Variants in SIN3A observed in about 807,000 individuals in gnomAD.
The protein encoded by SIN3A is paired amphipathic helix protein Sin3a.
Under a neutral mutation model 146.1 loss-of-function variants are expected in SIN3A, and 14 were observed. That is an observed-to-expected ratio of 0.10 (90% CI 0.06 to 0.15). SIN3A has a LOEUF of 0.15. SIN3A is among the 10% of genes least tolerant of loss of function. SIN3A has a pLI of 1.00. For synonymous variants in SIN3A, 572 were observed against 572.0 expected, an observed-to-expected ratio of 1.00 and a Z score of 0.00; for missense variants, 1,028 against 1,576.0, an observed-to-expected ratio of 0.65 and a Z score of 5.89.
intron 1 of SIN3A, among the ~76,000 whole-genome samples, chr15:75,440,297 C>G (rs2074184780): frequency 6.6e-6 from 1 of 151,234 alleles, no homozygotes; most frequent in African/African-American, 2.4e-5. Context: ...GTGGTGCAAT[C>G]TCAACTCACT....
intron 1 of SIN3A, among the ~76,000 whole-genome samples, chr15:75,440,083 G>A (rs573267728): frequency 2.0e-5 from 3 of 151,336 alleles, no homozygotes; most frequent in South Asian, 2.1e-4. Flanking sequence ...CCTGGGAGGC[G>A]GAGGTTGCAG....
chr15:75,385,728 TATTTA>T (rs1265592114), intron 16 of SIN3A, among the ~76,000 whole-genome samples: 7 of 152,226 alleles, frequency 4.6e-5, no homozygotes, highest in Admixed American at 3.3e-4. Context: ...CCATGATAAC[TATTTA>T]TTCTTAAGTC....
At chr15:75,386,737 G>A (rs1417366108) in intron 16 of SIN3A, among the ~76,000 whole-genome samples, 1 of 152,168 alleles carries the variant, frequency 6.6e-6, no homozygotes, top group Non-Finnish European at 1.5e-5. Context: ...CCATGGTGTG[G>A]TCCTATTTTG....
intron 19 of SIN3A, chr15:75,376,092 C>A: frequency 1.7e-6 from 1 of 584,660 alleles, no homozygotes; most frequent in Non-Finnish European, 3.0e-6. Context: ...CTTGACTTAG[C>A]AGATGTAGCC....
intron 2 of SIN3A, among the ~76,000 whole-genome samples, chr15:75,427,677 TA>T (rs1459164739): frequency 6.7e-6 from 1 of 148,576 alleles, no homozygotes; most frequent in Non-Finnish European, 1.5e-5. Context: ...AATAAATAAA[TA>T]AATAAAATAG....
chr15:75,414,717 T>C (rs2073702163), intron 3 of SIN3A, among the ~76,000 whole-genome samples: 1 of 152,250 alleles, frequency 6.6e-6, no homozygotes, highest in East Asian at 1.9e-4. Flanking sequence ...ACACAGTGGG[T>C]AACCCGGTAA....
chr15:75,381,723 A>G lies in SIN3A; in HGVS notation c.3196-18T>C, dbSNP rs2141386971. ...AACATAAGCTGCAAATAAGAAACCT[A>G]AGCGTAAACAAAAGACCGTCTCTGT... On this transcript the variant is annotated intron_variant, in intron 17 of 20. Coordinates refer to ENST00000394947, the MANE Select transcript of SIN3A (RefSeq NM_001145358.2). 6.3e-7 allele frequency: 1 copy of G among 1,590,184 alleles called. No homozygotes were observed. Among genetic ancestry groups the G allele is most frequent in the Middle Eastern group, 1.7e-4 (1 of 6,008 alleles).
At chr15:75,419,013 T>C (rs1225092789) in intron 3 of SIN3A, among the ~76,000 whole-genome samples, 9 of 152,010 alleles carry the variant, frequency 5.9e-5, no homozygotes, top group Admixed American at 5.9e-4. Flanking sequence ...CGCCTCGGCC[T>C]CTTAAAGTGC....
At chr15:75,378,650 T>G (rs2072909848) in intron 19 of SIN3A, among the ~76,000 whole-genome samples, 1 of 152,126 alleles carries the variant, frequency 6.6e-6, no homozygotes, top group East Asian at 1.9e-4. Flanking sequence ...GATCTGAAAA[T>G]ATTCCTTTTT....
upstream of SIN3A, among the ~76,000 whole-genome samples, chr15:75,454,286 C>A (rs2074455804): frequency 1.3e-5 from 2 of 152,206 alleles, no homozygotes; most frequent in African/African-American, 4.8e-5. Flanking sequence ...CAGTGGAAGA[C>A]AAGAGAAGGC....
chr15:75,381,457 A>T (rs1449420185), intron 18 of SIN3A, among the ~76,000 whole-genome samples, 156 bp downstream of exon 18: 1 of 152,204 alleles, frequency 6.6e-6, no homozygotes, highest in Admixed American at 6.5e-5. Context: ...TCAGCTGAAG[A>T]CATGGCTGGA....
In SIN3A at chr15:75,397,842, G is replaced by A. The variant is rs545829962; in HGVS notation, c.1855-1346C>T. 7.2e-5 allele frequency among the ~76,000 whole-genome samples: 11 copies of A among 152,314 alleles called. No individual in the cohort carries two copies. In the South Asian group the frequency reaches 1.9e-3, roughly 26 times the overall value. The stretch of plus-strand genomic sequence containing the variant: ...CTGTCAAAAACAAATGCCAAGCTCT[G>A]CTAAACTCATCAGTTAACCTTACTA... On this transcript the variant is annotated intron_variant, in intron 12 of 20. Transcript: ENST00000394947.
At chr15:75,390,827 C>T (rs974897773) in intron 15 of SIN3A, among the ~76,000 whole-genome samples, 2 of 152,176 alleles carry the variant, frequency 1.3e-5, no homozygotes, top group South Asian at 2.1e-4. Flanking sequence ...CCTCCCACAT[C>T]GGCCTCCCAA....
intron 4 of SIN3A, 106 bp downstream of exon 4, chr15:75,414,099 C>A: frequency 2.1e-6 from 1 of 480,092 alleles, no homozygotes; most frequent in Non-Finnish European, 3.4e-6. Flanking sequence ...GAAAATTCAG[C>A]TGCAAAAAGG....
At chr15:75,384,478 A>G (rs768248294) in intron 16 of SIN3A, 41 bp from the exon 17 acceptor site, 31 of 1,418,982 alleles carry the variant, frequency 2.2e-5, no homozygotes, top group Non-Finnish European at 2.7e-5. Context: ...AACACAGAAA[A>G]CATTTCTCCA....
chr15:75,434,782 C>CT, intron 1 of SIN3A, among the ~76,000 whole-genome samples: 1 of 151,160 alleles, frequency 6.6e-6, no homozygotes, highest in Admixed American at 6.6e-5. Context: ...AACTCTGTCT[C>CT]TACTAAAAAC....
At chr15:75,442,620 A>T (rs915058824) in intron 1 of SIN3A, among the ~76,000 whole-genome samples, 4 of 27,360 alleles carry the variant, frequency 1.5e-4, no homozygotes, top group Admixed American at 3.3e-4. Flanking sequence ...CCATCTTTAA[A>T]AAAAAAAAAA....
intron 17 of SIN3A, 48 bp from the exon 18 acceptor site, chr15:75,381,753 G>T: frequency 7.0e-7 from 1 of 1,438,192 alleles, no homozygotes; most frequent in Non-Finnish European, 9.8e-7. Context: ...CTCTGTAGCT[G>T]TAATCTATCT....
intron 9 of SIN3A, among the ~76,000 whole-genome samples, chr15:75,404,655 G>A (rs1247410675): frequency 3.9e-5 from 6 of 152,038 alleles, no homozygotes; most frequent in Non-Finnish European, 8.8e-5. Context: ...AGCTACTCGG[G>A]AGGCTGAGGC....
Sources: allele counts gnomAD v4.1 joint callset (sites outside exome capture counted in the v4.1 genomes callset), GRCh38; gene constraint gnomAD v4.1.1; transcripts MANE v1.5; gene names NCBI Gene and HGNC (gene_info 2026-07-23, HGNC 2026-07-21).